TRAPPC3: variants seen among roughly 807,000 people sequenced by gnomAD.
The protein encoded by TRAPPC3 is trafficking protein particle complex subunit 3.
A neutral mutation model predicts 18.2 loss-of-function variants in TRAPPC3; 5 were observed. The ratio of observed to expected loss-of-function variants is 0.28; its 90% CI spans 0.14 to 0.58. The LOEUF (loss-of-function observed/expected upper bound fraction) is 0.58, where lower values mean the gene tolerates loss of function less well. Among genes scored for constraint, TRAPPC3 ranks in the 20% least tolerant of loss-of-function variants. TRAPPC3 has a pLI of 0.91. For synonymous variants in TRAPPC3, 65 were observed against 84.2 expected (o/e 0.77, Z 1.25); for missense variants, 176 against 225.9 (o/e 0.78, Z 1.41).
At chr1:36,140,322 C>A in intron 1 of TRAPPC3, 156 bp from the exon 2 acceptor site, 1 of 511,294 alleles carries the variant, frequency 2.0e-6, no homozygotes. Flanking sequence ...GAAATTTGGC[C>A]TGCAAGGTCA....
At chr1:36,152,805 G>A (rs940771539), upstream of TRAPPC3, among the ~76,000 whole-genome samples, 3 of 151,794 alleles carry the variant, frequency 2.0e-5, no homozygotes, top group Non-Finnish European at 4.4e-5. Context: ...CACGCACCAC[G>A]ATGCCTGGCT....
upstream of TRAPPC3, chr1:36,149,558 C>T: frequency 4.2e-6 from 3 of 709,198 alleles, no homozygotes; most frequent in Non-Finnish European, 7.2e-6. Flanking sequence ...GGGCAACTCC[C>T]GCCCAACAAA....
At chr1:36,149,052 G>C (rs1644241709) in intron 1 of TRAPPC3, 7 of 1,276,430 alleles carry the variant, frequency 5.5e-6, no homozygotes, top group Non-Finnish European at 6.9e-6. Context: ...CCAACACATA[G>C]TAAGAGAGAA....
intron 1 of TRAPPC3, among the ~76,000 whole-genome samples, chr1:36,154,692 A>C (rs755435824): frequency 6.6e-6 from 1 of 152,236 alleles, no homozygotes; most frequent in Non-Finnish European, 1.5e-5. Context: ...CCTAGATGCC[A>C]GGTTCTGTGC....
chr1:36,152,105 A>G (rs527895791), upstream of TRAPPC3, among the ~76,000 whole-genome samples: 1 of 152,122 alleles, frequency 6.6e-6, no homozygotes, highest in East Asian at 1.9e-4. Context: ...TCCTGCAGTA[A>G]TTTGTGGGTG....
At chr1:36,153,198 A>T (rs1337195433), upstream of TRAPPC3, among the ~76,000 whole-genome samples, 1 of 152,052 alleles carries the variant, frequency 6.6e-6, no homozygotes, top group Non-Finnish European at 1.5e-5. Context: ...CTTCTCTGGG[A>T]TGTCTATTTG....
rs1355010591 is a variant in TRAPPC3, at chr1:36,139,723, G to T, written c.237C>A (p.Ala79=). 6.2e-7 allele frequency: 1 copy of T among 1,614,044 alleles called. No homozygotes were observed. Among genetic ancestry groups the T allele is most frequent in the East Asian group, 2.2e-5 (1 of 44,870 alleles). ...HDFRETADVI[A]KVAFKMYLGI... is the part of the protein sequence containing the mutation. Reference sequence around the variant, plus strand: ...ACAGGTGGCCCAGAATAATGACCTTGGCAATGACATCCGCAGTTTCCCGAA... The same window carrying T: ...ACAGGTGGCCCAGAATAATGACCTTTGCAATGACATCCGCAGTTTCCCGAA... The change falls in exon 3 of 5, where the codon GCC becomes GCA. Residue 79 remains alanine, a synonymous_variant. Transcript: ENST00000373166.
chr1:36,139,674 C>T (rs745661111), intron 3 of TRAPPC3, 46 bp downstream of exon 3: 2 of 1,610,982 alleles, frequency 1.2e-6, no homozygotes, highest in South Asian at 2.2e-5. Flanking sequence ...AGCAGTGCCT[C>T]TCAGCAGCAA....
intron 1 of TRAPPC3, 24 bp from the exon 2 acceptor site, chr1:36,140,190 C>CAGG: frequency 1.4e-6 from 2 of 1,470,806 alleles, no homozygotes; most frequent in Non-Finnish European, 1.8e-6. Flanking sequence ...AAAAGGCAGT[C>CAGG]AGGACCAAGC....
chr1:36,151,411 G>C (rs185300022), upstream of TRAPPC3, among the ~76,000 whole-genome samples: 1 of 151,496 alleles, frequency 6.6e-6, no homozygotes, highest in African/African-American at 2.4e-5. Flanking sequence ...CCACTCTTTT[G>C]TTTATTTACT....
upstream of TRAPPC3, among the ~76,000 whole-genome samples, chr1:36,150,087 C>T (rs763649726): frequency 6.6e-6 from 1 of 152,082 alleles, no homozygotes; most frequent in African/African-American, 2.4e-5. Context: ...AAGTCACTTT[C>T]TCCCCCTCCC....
At chr1:36,144,710 T>C (rs544429468) in intron 1 of TRAPPC3, among the ~76,000 whole-genome samples, 1 of 152,188 alleles carries the variant, frequency 6.6e-6, no homozygotes, top group Admixed American at 6.5e-5. Context: ...GGTAAATCAA[T>C]TCACTGGGCT....
intron 4 of TRAPPC3, 125 bp from the exon 5 acceptor site, chr1:36,137,447 C>A: frequency 1.0e-6 from 1 of 978,206 alleles, no homozygotes; most frequent in Non-Finnish European, 1.5e-6. Context: ...CCCACAAGGA[C>A]AAGATTGACA....
At chr1:36,149,020 T>C (rs1259557338) in intron 1 of TRAPPC3, 4 of 1,245,030 alleles carry the variant, frequency 3.2e-6, no homozygotes, top group East Asian at 3.6e-5. Flanking sequence ...ACTGAGATGC[T>C]GTAACGTGCG....
chr1:36,140,663 C>G (rs911541211), intron 1 of TRAPPC3: 2 of 152,512 alleles, frequency 1.3e-5, no homozygotes, highest in Admixed American at 1.3e-4. Context: ...ACCCAGGGGC[C>G]CAGTCCATGG....
intron 1 of TRAPPC3, 182 bp downstream of exon 1, chr1:36,149,155 G>A (rs1401931111): frequency 2.8e-5 from 41 of 1,464,736 alleles, no homozygotes; most frequent in Non-Finnish European, 3.5e-5. Flanking sequence ...CTCCTCCGGG[G>A]AACTTCTCCG....
chr1:36,138,411 C>A (rs1366590400), intron 3 of TRAPPC3, among the ~76,000 whole-genome samples: 1 of 152,120 alleles, frequency 6.6e-6, no homozygotes, highest in Non-Finnish European at 1.5e-5. Flanking sequence ...CATTACTGGG[C>A]AGAGAAAAAG....
At chr1:36,147,760 G>C (rs1410022047) in intron 1 of TRAPPC3, among the ~76,000 whole-genome samples, 1 of 152,156 alleles carries the variant, frequency 6.6e-6, no homozygotes, top group African/African-American at 2.4e-5. Context: ...GGCAGGAGTG[G>C]GCTAAGTGAC....
Position 36,148,252 on chromosome 1 carries a change from G to A in TRAPPC3, c.42+1085C>T, listed in dbSNP as rs1057191143. Among the ~76,000 whole-genome samples the A allele has an allele frequency of 4.6e-5, 7 of 152,184 alleles. No individual in the cohort carries two copies. The East Asian group carries it at 5.8e-4, about 13-fold the overall frequency. On this transcript the variant is annotated intron_variant, in intron 1 of 4. Transcript: ENST00000373166. The stretch of plus-strand genomic sequence containing the variant: ...GAACAGGCAGATCACTTAAGGCCAC[G>A]AGTTCGAGACCAGGCTGGCCAACAT...
Sources: allele counts gnomAD v4.1 joint callset (sites outside exome capture counted in the v4.1 genomes callset), GRCh38; gene constraint gnomAD v4.1.1; transcripts MANE v1.5; gene names NCBI Gene and HGNC (gene_info 2026-07-23, HGNC 2026-07-21).